Variants in NR1H4 observed in about 807,000 individuals in gnomAD.
NR1H4 encodes the protein bile acid receptor.
In NR1H4, 23 loss-of-function variants were observed where a neutral mutation model predicts 58.5. The observed-to-expected ratio is 0.39, with a 90% CI of 0.28 to 0.56. NR1H4 has a LOEUF of 0.56. NR1H4 is among the 20% of genes least tolerant of loss of function. The pLI, the probability that NR1H4 is intolerant of heterozygous loss-of-function variation, is 0.58. For missense variants in NR1H4, 487 were observed against 576.9 expected, an observed-to-expected ratio of 0.84 and a Z score of 1.60; for synonymous variants, 214 against 198.0, an observed-to-expected ratio of 1.08 and a Z score of -0.68.
chr12:100,501,672 A>G (rs1407570451), intron 3 of NR1H4, among the ~76,000 whole-genome samples: 1 of 152,222 alleles, frequency 6.6e-6, no homozygotes, highest in African/African-American at 2.4e-5. Context: ...TGTGAAGGCT[A>G]TAGAAATGTC....
chr12:100,516,202 T>C (rs936972744), intron 4 of NR1H4, among the ~76,000 whole-genome samples: 2 of 152,174 alleles, frequency 1.3e-5, no homozygotes, highest in Non-Finnish European at 2.9e-5. Flanking sequence ...AAATGTAGAC[T>C]TGAAACCTGG....
chr12:100,490,980 G>A (rs898936865), intron 1 of NR1H4, among the ~76,000 whole-genome samples: 1 of 152,086 alleles, frequency 6.6e-6, no homozygotes, highest in African/African-American at 2.4e-5. Flanking sequence ...ATTTTTATTA[G>A]AGGTGAGTTT....
intron 1 of NR1H4, among the ~76,000 whole-genome samples, chr12:100,481,929 A>AAAAT (rs914502688): frequency 9.9e-5 from 15 of 151,430 alleles, no homozygotes; most frequent in South Asian, 2.1e-4. Context: ...AATAAAAATA[A>AAAAT]AAATAAATAA....
chr12:100,532,528 T>C lies in NR1H4; in HGVS notation c.516T>C (p.Asp172=). The C allele has an allele frequency of 1.9e-6, 3 of 1,614,104 alleles. No homozygotes were observed. The highest frequency in any genetic ancestry group is 2.5e-6 in the Non-Finnish European group (3 of 1,179,930). ...KCKNGGNCVM[D]MYMRRKCQEC... Reference sequence around the variant, plus strand: ...AAAACGGGGGCAACTGTGTGATGGATATGTACATGCGAAGAAAGTGTCAAG... The same window carrying C: ...AAAACGGGGGCAACTGTGTGATGGACATGTACATGCGAAGAAAGTGTCAAG... The change falls in exon 5 of 11, where the codon GAT becomes GAC. Residue 172 remains aspartate (D), a synonymous_variant. Coordinates refer to ENST00000392986, the MANE Select transcript of NR1H4 (RefSeq NM_001206979.2).
chr12:100,532,385 C>T, intron 4 of NR1H4, 73 bp from the exon 5 acceptor site: 1 of 1,517,224 alleles, frequency 6.6e-7, no homozygotes, highest in Non-Finnish European at 9.1e-7. Context: ...CCTGGCATCT[C>T]TCAATCCAAA....
In NR1H4 at chr12:100,505,935, G is replaced by A. The variant is rs184598883; in HGVS notation, c.80-4843G>A. The A allele has an allele frequency of 3.4e-4, 94 of 274,448 alleles. 1 individual carries two copies. The highest frequency in any genetic ancestry group is 1.9e-3 in the African/African-American group (84 of 44,420). The allele number at this position is 274,448 out of a possible 1,614,324, so 17.0% of individuals were successfully genotyped here. On this transcript the variant is annotated intron_variant, in intron 3 of 10. Coordinates refer to ENST00000392986, the MANE Select transcript of NR1H4 (RefSeq NM_001206979.2). ...CAAACAAGAGAAAGGCTGGGCCTTCGTATGTGTCTTTTCACTTTCATATGT... is the reference window on the plus strand; with the variant it reads ...CAAACAAGAGAAAGGCTGGGCCTTCATATGTGTCTTTTCACTTTCATATGT...
intron 9 of NR1H4, among the ~76,000 whole-genome samples, chr12:100,551,124 G>A (rs1002278336): frequency 6.6e-6 from 1 of 152,168 alleles, no homozygotes; most frequent in Non-Finnish European, 1.5e-5. Context: ...TCTGCTAGCA[G>A]GGAATATAAA....
chr12:100,513,766 T>A (rs1303596733), intron 4 of NR1H4, among the ~76,000 whole-genome samples: 4 of 146,266 alleles, frequency 2.7e-5, no homozygotes, highest in Non-Finnish European at 5.9e-5. Flanking sequence ...TTGCACTCCA[T>A]CCTGGATGAC....
chr12:100,532,397 C>T, intron 4 of NR1H4, 61 bp from the exon 5 acceptor site: 5 of 1,575,040 alleles, frequency 3.2e-6, no homozygotes, highest in Non-Finnish European at 4.4e-6. Flanking sequence ...CAATCCAAAC[C>T]TGTTTTTTTC....
At chr12:100,560,699 C>T (rs984899066) in intron 9 of NR1H4, among the ~76,000 whole-genome samples, 2 of 152,172 alleles carry the variant, frequency 1.3e-5, no homozygotes, top group Non-Finnish European at 2.9e-5. Context: ...ATTCCGGACA[C>T]ACCAATACGT....
chr12:100,540,569 C>A lies in NR1H4; in HGVS notation c.932-103C>A. 7 of 1,319,558 alleles carry A rather than the reference C, an allele frequency of 5.3e-6. No individual in the cohort carries two copies. In the East Asian group the frequency reaches 6.9e-5, roughly 13 times the overall value. The allele number at this position is 1,319,558 out of a possible 1,614,324, so 81.7% of individuals were successfully genotyped here. A position where few individuals can be genotyped will look rare whatever the true frequency, so the allele number is the denominator to read the frequency against. On this transcript the variant is annotated intron_variant, in intron 8 of 10. Transcript: ENST00000392986. Reference sequence around the variant, plus strand: ...CTCAACTAGACTACCCAATTTTAAACAACTACAGAATCACTTGATGTAAAT... The same window carrying A: ...CTCAACTAGACTACCCAATTTTAAAAAACTACAGAATCACTTGATGTAAAT...
intron 1 of NR1H4, among the ~76,000 whole-genome samples, chr12:100,479,984 A>T (rs1953345623): frequency 6.6e-6 from 1 of 152,132 alleles, no homozygotes; most frequent in Non-Finnish European, 1.5e-5. Context: ...AACACTCTAT[A>T]CTTCTCTTTT....
intron 1 of NR1H4, among the ~76,000 whole-genome samples, chr12:100,481,940 A>G (rs922996687): frequency 1.3e-5 from 2 of 151,702 alleles, no homozygotes; most frequent in African/African-American, 4.8e-5. Context: ...AAATAAATAA[A>G]TAAATAAATA....
rs148791596 is a variant in NR1H4, at chr12:100,542,841, C to G, written c.1078+2023C>G. On this transcript the variant is annotated intron_variant, in intron 9 of 10. Transcript: ENST00000392986. ...GCATCATTGGTAGATTTAAAAACCACACACTTTAAAAAGATGCATTATTCT... is the reference window on the plus strand; with the variant it reads ...GCATCATTGGTAGATTTAAAAACCAGACACTTTAAAAAGATGCATTATTCT... Among the ~76,000 whole-genome samples the G allele has an allele frequency of 5.3e-3, 808 of 151,166 alleles. 9 individuals are homozygous for G. The highest frequency in any genetic ancestry group is 0.019 in the African/African-American group (793 of 41,428).
rs138343721 is a variant in NR1H4 at position 100,479,223 on chromosome 12, C to T, written c.-190+5164C>T. On this transcript the variant is annotated intron_variant, in intron 1 of 10. Coordinates refer to ENST00000392986, the MANE Select transcript of NR1H4 (RefSeq NM_001206979.2). Reference sequence around the variant, plus strand: ...CCTTAACCTCTGTCTTACATTTCAACGTTCTCAAATGTATTCTTTTCCTAT... The same window carrying T: ...CCTTAACCTCTGTCTTACATTTCAATGTTCTCAAATGTATTCTTTTCCTAT... 4.5e-3 allele frequency among the ~76,000 whole-genome samples: 691 copies of T among 152,208 alleles called. 8 individuals are homozygous for T. Among genetic ancestry groups the T allele is most frequent in the African/African-American group, 0.015 (604 of 41,542 alleles).
intron 3 of NR1H4, among the ~76,000 whole-genome samples, chr12:100,494,234 T>A (rs978584186): frequency 9.2e-5 from 14 of 152,192 alleles, no homozygotes; most frequent in African/African-American, 3.1e-4. Flanking sequence ...GTTGCTGATA[T>A]TCCTAGGACC....
At chr12:100,544,909 GT>G (rs1443646039) in intron 9 of NR1H4, among the ~76,000 whole-genome samples, 3 of 152,168 alleles carry the variant, frequency 2.0e-5, no homozygotes, top group Non-Finnish European at 4.4e-5. Context: ...GAAAAAGACA[GT>G]TTGGATATGG....
intron 8 of NR1H4, among the ~76,000 whole-genome samples, chr12:100,540,406 T>C (rs1319738672): frequency 6.6e-6 from 1 of 152,208 alleles, no homozygotes; most frequent in Non-Finnish European, 1.5e-5. Flanking sequence ...TTTCTGAGGG[T>C]TTCTTCATCT....
intron 3 of NR1H4, among the ~76,000 whole-genome samples, chr12:100,498,650 C>CTAA (rs1953767267): frequency 5.3e-5 from 8 of 151,784 alleles, no homozygotes; most frequent in Admixed American, 5.3e-4. Context: ...GAAAAAAACA[C>CTAA]CAAAAAACAA....
Sources: gnomAD v4.1 joint callset for allele counts (sites outside exome capture counted in the v4.1 genomes callset) on GRCh38, gnomAD v4.1.1 for gene constraint, MANE v1.5 for transcripts, NCBI Gene and HGNC (gene_info 2026-07-23, HGNC 2026-07-21) for gene names.